PRKG1: variants seen among roughly 807,000 people sequenced by gnomAD.
The protein encoded by PRKG1 is cGMP-dependent protein kinase 1.
A neutral mutation model predicts 88.1 loss-of-function variants in PRKG1; 35 were observed. The ratio of observed to expected loss-of-function variants is 0.40; its 90% CI spans 0.30 to 0.53. The LOEUF (loss-of-function observed/expected upper bound fraction) is 0.53. PRKG1 is among the 20% of genes least tolerant of loss of function. The pLI, the probability that PRKG1 is intolerant of heterozygous loss-of-function variation, is 0.59. For missense variants in PRKG1, 540 were observed against 839.8 expected, an observed-to-expected ratio of 0.64 and a Z score of 4.41; for synonymous variants, 303 against 292.5, an observed-to-expected ratio of 1.04 and a Z score of -0.37.
intron 5 of PRKG1, among the ~76,000 whole-genome samples, chr10:51,911,473 A>G (rs1445746527): frequency 1.3e-5 from 2 of 152,216 alleles, no homozygotes; most frequent in Non-Finnish European, 2.9e-5. Context: ...TTAGTATTTT[A>G]TGTCAGATTT....
Position 52,296,020 on chromosome 10 carries a change from C to T in PRKG1, c.*2120C>T, listed in dbSNP as rs1232828748. 6.6e-6 allele frequency: 1 copy of T among 151,816 alleles called. No homozygotes were observed. The highest frequency in any genetic ancestry group is 1.5e-5 in the Non-Finnish European group (1 of 67,884). The allele number at this position is 151,816 out of a possible 1,614,324, so 9.4% of individuals were successfully genotyped here. A position where few individuals can be genotyped will look rare whatever the true frequency, so the allele number is the denominator to read the frequency against. On this transcript the variant is annotated 3_prime_UTR_variant, in exon 18 of 18. Transcript: ENST00000373980. ...TAAAATCTAGCTATGAATGTTATTT[C>T]AAGAGTTTTATATTTTTAATTGGCT...
intron 2 of PRKG1, among the ~76,000 whole-genome samples, chr10:51,423,682 A>G (rs1269600050): frequency 6.6e-6 from 1 of 152,162 alleles, no homozygotes. Context: ...AAACAAAGCA[A>G]TATCTATATT....
Position 52,064,101 on chromosome 10 carries a change from G to A in PRKG1, c.935+1470G>A, listed in dbSNP as rs114689858. ...TGGGGCCTTAATGGGGATCCACCAC[G>A]TTTCTGCCCAGGAACCTGTCTGCCT... On this transcript the variant is annotated intron_variant, in intron 7 of 17. Coordinates refer to ENST00000373980, the MANE Select transcript of PRKG1 (RefSeq NM_006258.4). Among the ~76,000 whole-genome samples the A allele has an allele frequency of 7.3e-3, 1,117 of 152,274 alleles. 8 individuals carry two copies. Among genetic ancestry groups the A allele is most frequent in the African/African-American group, 0.026 (1,081 of 41,554 alleles).
Position 51,726,666 on chromosome 10 carries a change from A to G in PRKG1, c.593-77919A>G, listed in dbSNP as rs532205849. Among the ~76,000 whole-genome samples the G allele has an allele frequency of 1.5e-3, 233 of 152,362 alleles. 6 individuals carry two copies. In the South Asian group the frequency reaches 0.047, roughly 31 times the overall value. ...TTCCTTATGAATATAGTCTGTTCAT[A>G]GTTGTTGTACCCATGTAACCATGGT... On this transcript the variant is annotated intron_variant, in intron 3 of 17. Coordinates refer to ENST00000373980, the MANE Select transcript of PRKG1 (RefSeq NM_006258.4).
At chr10:51,242,652 C>T (rs1286523448) in intron 2 of PRKG1, among the ~76,000 whole-genome samples, 2 of 152,044 alleles carry the variant, frequency 1.3e-5, no homozygotes, top group African/African-American at 4.8e-5. Context: ...GGGATAAATG[C>T]AATTGCTATG....
chr10:51,840,635 C>G (rs922495256), intron 4 of PRKG1, among the ~76,000 whole-genome samples: 5 of 151,952 alleles, frequency 3.3e-5, no homozygotes, highest in Non-Finnish European at 5.9e-5. Flanking sequence ...GAACCTCTGC[C>G]TCCTAGGTTC....
At chr10:52,034,859 C>T (rs1463564253) in intron 5 of PRKG1, among the ~76,000 whole-genome samples, 1 of 152,108 alleles carries the variant, frequency 6.6e-6, no homozygotes, top group African/African-American at 2.4e-5. Context: ...TATACAGGAG[C>T]TCAAATGCGC....
intron 4 of PRKG1, among the ~76,000 whole-genome samples, chr10:51,838,439 A>G (rs1051719019): frequency 6.6e-6 from 1 of 152,214 alleles, no homozygotes; most frequent in Non-Finnish European, 1.5e-5. Flanking sequence ...TGAATAATGA[A>G]GCCCTATAAA....
intron 2 of PRKG1, among the ~76,000 whole-genome samples, chr10:51,318,706 T>C (rs1204324459): frequency 2.6e-5 from 4 of 152,176 alleles, no homozygotes. Context: ...ATTTTTTTCA[T>C]AAAAATCTTT....
chr10:51,617,621 C>A (rs1839094590), intron 3 of PRKG1, among the ~76,000 whole-genome samples: 1 of 152,176 alleles, frequency 6.6e-6, no homozygotes, highest in African/African-American at 2.4e-5. Flanking sequence ...GTAACGTGCT[C>A]TATAGGTTTG....
chr10:51,751,783 T>C (rs1030891485), intron 3 of PRKG1, among the ~76,000 whole-genome samples: 2 of 152,124 alleles, frequency 1.3e-5, no homozygotes, highest in Admixed American at 6.5e-5. Context: ...ACTCCATGTG[T>C]TTCCAAAAGG....
intron 1 of PRKG1, among the ~76,000 whole-genome samples, chr10:51,019,465 C>T (rs1478312307): frequency 6.6e-6 from 1 of 152,008 alleles, no homozygotes; most frequent in African/African-American, 2.4e-5. Context: ...GAAGTTGGGT[C>T]CTTACCTAAC....
intron 8 of PRKG1, among the ~76,000 whole-genome samples, chr10:52,140,877 A>C (rs1397034257): frequency 6.6e-6 from 1 of 152,152 alleles, no homozygotes; most frequent in Admixed American, 6.6e-5. Context: ...CTCTGTGTCC[A>C]CATGATAGGA....
At position 51,185,064 on chromosome 10, in the gene PRKG1, G is replaced by T. The variant is rs145596002; in HGVS notation, c.478+31734G>T. ...TAATTGTGACATCTCACATCATCAAGTGGAGATTTGACCAATATTTAGCTT... is the reference window on the plus strand; with the variant it reads ...TAATTGTGACATCTCACATCATCAATTGGAGATTTGACCAATATTTAGCTT... On this transcript the variant is annotated intron_variant, in intron 2 of 17. Coordinates refer to ENST00000373980, the MANE Select transcript of PRKG1 (RefSeq NM_006258.4). Among the ~76,000 whole-genome samples, 13 of 152,290 alleles carry T rather than the reference G, an allele frequency of 8.5e-5. No individual in the cohort carries two copies. The East Asian group carries it at 2.5e-3, about 29-fold the overall frequency.
chr10:51,809,567 A>G (rs1025973046), intron 4 of PRKG1, among the ~76,000 whole-genome samples: 6 of 152,196 alleles, frequency 3.9e-5, no homozygotes, highest in Non-Finnish European at 8.8e-5. Context: ...GTTTACTTGT[A>G]GAAACTAGGT....
intron 5 of PRKG1, among the ~76,000 whole-genome samples, chr10:51,953,734 C>A (rs1203993947): frequency 6.6e-6 from 1 of 151,594 alleles, no homozygotes; most frequent in Non-Finnish European, 1.5e-5. Flanking sequence ...TTTTTTTTAA[C>A]TTTTGAACTG....
intron 3 of PRKG1, among the ~76,000 whole-genome samples, chr10:51,632,800 C>G (rs1564582420): frequency 6.6e-6 from 1 of 152,140 alleles, no homozygotes; most frequent in Non-Finnish European, 1.5e-5. Context: ...TGACGCATGC[C>G]TCTCCTTGCT....
chr10:51,897,847 T>G (rs572296818), intron 4 of PRKG1, among the ~76,000 whole-genome samples: 1 of 151,688 alleles, frequency 6.6e-6, no homozygotes, highest in South Asian at 2.1e-4. Context: ...CAGTTTATTC[T>G]CCCTAAAACT....
At chr10:51,740,135 C>T (rs1045492265) in intron 3 of PRKG1, among the ~76,000 whole-genome samples, 1 of 152,080 alleles carries the variant, frequency 6.6e-6, no homozygotes, top group Non-Finnish European at 1.5e-5. Flanking sequence ...TCAAGTGATC[C>T]CCCCATCTCA....
Sources: allele counts gnomAD v4.1 joint callset (sites outside exome capture counted in the v4.1 genomes callset), GRCh38; gene constraint gnomAD v4.1.1; transcripts MANE v1.5; gene names NCBI Gene and HGNC (gene_info 2026-07-23, HGNC 2026-07-21).